The following GPR158 variants were observed in gnomAD, a reference collection of about 807,000 sequenced individuals.
The protein encoded by GPR158 is G protein-coupled receptor 158.
A neutral mutation model predicts 78.2 loss-of-function variants in GPR158; 30 were observed. That is an observed-to-expected ratio of 0.38 (90% CI 0.29 to 0.52). The LOEUF is 0.52. Ranked by LOEUF, GPR158 falls within the 20% of genes least tolerant of loss-of-function variation. The pLI is 0.83. For missense variants in GPR158, 1,463 were observed against 1,523.5 expected, an observed-to-expected ratio of 0.96 and a Z score of 0.66; for synonymous variants, 581 against 591.1, an observed-to-expected ratio of 0.98 and a Z score of 0.25.
chr10:25,186,797 A>G (rs960819620), intron 1 of GPR158, among the ~76,000 whole-genome samples: 1 of 152,146 alleles, frequency 6.6e-6, no homozygotes, highest in Non-Finnish European at 1.5e-5. Context: ...CAGAGGTACA[A>G]GGAGGAGCTG....
At chr10:25,405,695 C>T (rs1834506091) in intron 3 of GPR158, among the ~76,000 whole-genome samples, 1 of 151,464 alleles carries the variant, frequency 6.6e-6, no homozygotes, top group Non-Finnish European at 1.5e-5. Context: ...AGAGAGGGTT[C>T]TACTCTTTAA....
chr10:25,336,970 GT>G (rs1236197405), intron 2 of GPR158, among the ~76,000 whole-genome samples: 4 of 151,786 alleles, frequency 2.6e-5, no homozygotes, highest in Admixed American at 1.3e-4. Context: ...GTATATTTTT[GT>G]TTTCTTATAT....
intron 2 of GPR158, among the ~76,000 whole-genome samples, chr10:25,343,052 A>T (rs1855326157): frequency 6.6e-6 from 1 of 151,970 alleles, no homozygotes. Flanking sequence ...ACAGAGACTG[A>T]TTAGATTATG....
At chr10:25,470,147 G>A (rs1022103218) in intron 5 of GPR158, among the ~76,000 whole-genome samples, 2 of 108,976 alleles carry the variant, frequency 1.8e-5, no homozygotes, top group African/African-American at 3.7e-5. Context: ...TATGTAGATC[G>A]AGTGTTCTTT....
chr10:25,302,989 A>C (rs556442299), intron 2 of GPR158, among the ~76,000 whole-genome samples: 4 of 152,320 alleles, frequency 2.6e-5, no homozygotes, highest in Admixed American at 2.6e-4. Flanking sequence ...GATGAATAGA[A>C]TGCAGTAATC....
chr10:25,522,932 A>AT (rs146972683), intron 5 of GPR158, among the ~76,000 whole-genome samples: 1 of 152,074 alleles, frequency 6.6e-6, no homozygotes, highest in East Asian at 1.9e-4. Context: ...CTCAATTTCT[A>AT]TTTTTTTTAA....
chr10:25,184,190 T>A (rs1428344926), intron 1 of GPR158, among the ~76,000 whole-genome samples: 1 of 152,178 alleles, frequency 6.6e-6, no homozygotes, highest in Non-Finnish European at 1.5e-5. Flanking sequence ...TGTATGTAAA[T>A]TTTTTTATTT....
chr10:25,249,047 A>C (rs568144879), intron 2 of GPR158, among the ~76,000 whole-genome samples: 1 of 151,366 alleles, frequency 6.6e-6, no homozygotes, highest in East Asian at 1.9e-4. Context: ...TGTAAGTTGG[A>C]TTCCTTGGTA....
chr10:25,186,022 C>G (rs1209924732), intron 1 of GPR158, among the ~76,000 whole-genome samples: 1 of 152,182 alleles, frequency 6.6e-6, no homozygotes, highest in Non-Finnish European at 1.5e-5. Flanking sequence ...AACAAAGTGT[C>G]TCTCAGACCA....
chr10:25,538,650 C>T (rs1836533496), intron 5 of GPR158, among the ~76,000 whole-genome samples: 1 of 152,310 alleles, frequency 6.6e-6, no homozygotes, highest in South Asian at 2.1e-4. Flanking sequence ...GCTGGGACTG[C>T]AGGCATGTGT....
At position 25,586,390 on chromosome 10, in the gene GPR158, AATTTTTTTT is replaced by A. The variant is rs1162930724; in HGVS notation, c.1754-2616_1754-2608del. On this transcript the variant is annotated intron_variant, in intron 7 of 10. Coordinates refer to ENST00000376351, the MANE Select transcript of GPR158 (RefSeq NM_020752.3). ...CCAGGGTTGTAAGTAGGTATGTGTGAATTTTTTTTTTTTTTTTTTTTTTTTTTTTTTGAG... is the reference window on the plus strand; with the variant it reads ...CCAGGGTTGTAAGTAGGTATGTGTGATTTTTTTTTTTTTTTTTTTTTTGAG... Among the ~76,000 whole-genome samples, 177 of 130,992 alleles carry A rather than the reference AATTTTTTTT, an allele frequency of 1.4e-3. 10 individuals carry two copies. The highest frequency in any genetic ancestry group is 0.011 in the Middle Eastern group (3 of 264). The allele number at this position is 130,992 out of a possible 152,430, so 85.9% of individuals were successfully genotyped here.
At chr10:25,458,754 A>G (rs1835321675) in intron 4 of GPR158, among the ~76,000 whole-genome samples, 1 of 152,214 alleles carries the variant, frequency 6.6e-6, no homozygotes. Context: ...GTTCCAGACC[A>G]TGTAGTGATC....
At chr10:25,562,457 A>G (rs1405766875) in intron 6 of GPR158, among the ~76,000 whole-genome samples, 1 of 152,220 alleles carries the variant, frequency 6.6e-6, no homozygotes, top group Admixed American at 6.5e-5. Flanking sequence ...CATTTACTGC[A>G]ATCCATAAAT....
At chr10:25,306,983 T>TCA (rs142323718) in intron 2 of GPR158, among the ~76,000 whole-genome samples, 30,172 of 140,204 alleles carry the variant, frequency 0.22, 4,978 homozygotes, top group African/African-American at 0.48. Context: ...GGGGAGAGAG[T>TCA]CACACACACA....
At chr10:25,189,834 A>ATGTGTGTGTGTGTGTGTGTG (rs56205437) in intron 1 of GPR158, among the ~76,000 whole-genome samples, 2 of 120,542 alleles carry the variant, frequency 1.7e-5, no homozygotes, top group African/African-American at 6.5e-5. Context: ...AAAGGAAAGC[A>ATGTGTGTGTGTGTGTGTGTG]TGTGTGTGTG....
chr10:25,262,114 A>G (rs759655651), intron 2 of GPR158, among the ~76,000 whole-genome samples: 10 of 152,164 alleles, frequency 6.6e-5, no homozygotes, highest in Non-Finnish European at 1.5e-4. Context: ...ATATTAGCAA[A>G]TGATCTGCTT....
intron 7 of GPR158, among the ~76,000 whole-genome samples, chr10:25,576,745 T>G (rs1361747889): frequency 6.6e-6 from 1 of 152,030 alleles, no homozygotes. Flanking sequence ...ATGAGAAGTA[T>G]CAAAACTTAA....
intron 7 of GPR158, among the ~76,000 whole-genome samples, chr10:25,575,316 A>G (rs1399515087): frequency 1.3e-5 from 2 of 152,198 alleles, no homozygotes; most frequent in Admixed American, 1.3e-4. Context: ...CAAGATGACT[A>G]TAAGGATGTA....
chr10:25,480,106 T>C (rs941215713), intron 5 of GPR158, among the ~76,000 whole-genome samples: 9 of 152,184 alleles, frequency 5.9e-5, no homozygotes, highest in Non-Finnish European at 7.3e-5. Context: ...TACTCTCTAG[T>C]ATCTTTTTCT....
Sources: allele counts gnomAD v4.1 joint callset (sites outside exome capture counted in the v4.1 genomes callset), GRCh38; gene constraint gnomAD v4.1.1; transcripts MANE v1.5; gene names NCBI Gene and HGNC (gene_info 2026-07-23, HGNC 2026-07-21).